ELF2: variants seen among roughly 807,000 people sequenced by gnomAD.
ELF2 encodes the protein E74 like ETS transcription factor 2.
A neutral mutation model predicts 54.8 loss-of-function variants in ELF2; 11 were observed. That is an observed-to-expected ratio of 0.20 (90% CI 0.13 to 0.33). The LOEUF is 0.33. ELF2 is among the 10% of genes least tolerant of loss of function. The pLI is 1.00. For missense variants in ELF2, 513 were observed against 703.0 expected (o/e 0.73, Z 3.06); for synonymous variants, 203 against 245.1 (o/e 0.83, Z 1.61).
At chr4:139,134,564 GTTATTTTATTTTATGTTATATTTATT>G (rs1737904342) in intron 3 of ELF2, among the ~76,000 whole-genome samples, 1 of 146,386 alleles carries the variant, frequency 6.8e-6, no homozygotes, top group African/African-American at 2.6e-5. Flanking sequence ...TTTATTTTAT[GTTATTTTATTTTATGTTATATTTATT>G]TTATTTTATT....
intron 1 of ELF2, among the ~76,000 whole-genome samples, chr4:139,170,670 ACTT>A (rs931090372): frequency 6.7e-6 from 1 of 149,648 alleles, no homozygotes; most frequent in African/African-American, 2.5e-5. Context: ...AAAAAAAAAA[ACTT>A]CTTATAACTC....
intron 3 of ELF2, among the ~76,000 whole-genome samples, chr4:139,128,032 G>A (rs763409702): frequency 1.3e-5 from 2 of 151,524 alleles, no homozygotes; most frequent in African/African-American, 4.8e-5. Context: ...AACTTTGGGA[G>A]GCCAAGGCAG....
In ELF2 at chr4:139,110,448, G is replaced by A. The variant is rs1734847451; in HGVS notation, c.238+14716C>T. 2.0e-5 allele frequency among the ~76,000 whole-genome samples: 3 copies of A among 152,140 alleles called. No homozygotes were observed. The South Asian group carries it at 6.2e-4, about 31-fold the overall frequency. On this transcript the variant is annotated intron_variant, in intron 4 of 9. Coordinates refer to ENST00000686138, the MANE Select transcript of ELF2 (RefSeq NM_001331036.3). ...AAAAAAAAACTAATCTTTGTTTCAT[G>A]AAACACCTTTCTAATCCGGAGACTG...
chr4:139,121,812 G>C (rs906874234), intron 4 of ELF2, among the ~76,000 whole-genome samples: 1 of 152,108 alleles, frequency 6.6e-6, no homozygotes, highest in Admixed American at 6.6e-5. Flanking sequence ...TATTTTTAAA[G>C]TTTCAAAATA....
intron 7 of ELF2, among the ~76,000 whole-genome samples, chr4:139,063,040 G>A (rs1418848424): frequency 1.3e-5 from 2 of 152,054 alleles, no homozygotes; most frequent in Admixed American, 6.6e-5. Context: ...GGCATATCAC[G>A]TGAGGTCAGG....
At chr4:139,115,463 G>A (rs1467578671) in intron 4 of ELF2, 16 of 927,182 alleles carry the variant, frequency 1.7e-5, no homozygotes, top group East Asian at 2.3e-4. Context: ...TTAGCTCGCC[G>A]CGGCGAGGGC....
intron 4 of ELF2, chr4:139,115,012 TAACAGTCA>T: frequency 1.9e-6 from 3 of 1,613,836 alleles, no homozygotes; most frequent in Non-Finnish European, 2.5e-6. Flanking sequence ...TGTGGGTTTG[TAACAGTCA>T]ACCAGCAGCT....
At chr4:139,093,289 A>G (rs952072459) in intron 4 of ELF2, among the ~76,000 whole-genome samples, 45 of 152,224 alleles carry the variant, frequency 3.0e-4, no homozygotes, top group Admixed American at 2.9e-3. Flanking sequence ...AAATTAAAAC[A>G]TAATACAAAA....
chr4:139,077,804 C>G (rs1730529168), intron 4 of ELF2, among the ~76,000 whole-genome samples: 1 of 152,244 alleles, frequency 6.6e-6, no homozygotes, highest in South Asian at 2.1e-4. Flanking sequence ...AATTCCTTAT[C>G]TTACTTAAAA....
chr4:139,150,238 G>A (rs1384903097), intron 1 of ELF2, among the ~76,000 whole-genome samples: 1 of 151,958 alleles, frequency 6.6e-6, no homozygotes, highest in Non-Finnish European at 1.5e-5. Context: ...ATGGTGGCAG[G>A]TGCCTGTAAT....
intron 4 of ELF2, among the ~76,000 whole-genome samples, chr4:139,090,614 A>C (rs966067780): frequency 4.6e-5 from 7 of 152,138 alleles, no homozygotes; most frequent in Non-Finnish European, 1.0e-4. Flanking sequence ...TTTATTCTTG[A>C]GACAGGGTCT....
At chr4:139,062,412 C>T (rs192701184) in intron 7 of ELF2, among the ~76,000 whole-genome samples, 331 of 152,274 alleles carry the variant, frequency 2.2e-3, no homozygotes, top group Non-Finnish European at 3.2e-3. Context: ...CTCAGGTGAT[C>T]CGCCTGCCTC....
chr4:139,072,164 C>A (rs1447850721), intron 5 of ELF2, 125 bp from the exon 6 acceptor site: 1 of 874,568 alleles, frequency 1.1e-6, no homozygotes, highest in South Asian at 1.8e-5. Context: ...GAGCTTAATA[C>A]TGAAGAAGTT....
At chr4:139,129,311 A>AG (rs1737261684) in intron 3 of ELF2, among the ~76,000 whole-genome samples, 1 of 152,160 alleles carries the variant, frequency 6.6e-6, no homozygotes, top group African/African-American at 2.4e-5. Flanking sequence ...CAACTTAGTG[A>AG]GGTTCTATCC....
rs550492014 is a variant in ELF2 at position 139,093,532 on chromosome 4, T to C, written c.239-19965A>G. Among the ~76,000 whole-genome samples, 8 of 152,350 alleles carry C rather than the reference T, an allele frequency of 5.3e-5. No homozygotes were observed. The East Asian group carries it at 1.5e-3, about 29-fold the overall frequency. ...TAAAATTATGGTTCCACTTCACTTA[T>C]GAATAGATTCCAAGACTCCTTAACT... On this transcript the variant is annotated intron_variant, in intron 4 of 9. Transcript: ENST00000686138.
intron 1 of ELF2, among the ~76,000 whole-genome samples, chr4:139,168,891 G>C (rs887084455): frequency 5.3e-5 from 8 of 152,034 alleles, no homozygotes; most frequent in African/African-American, 1.9e-4. Flanking sequence ...TTGATCAAAA[G>C]GGGGAAAAGT....
At chr4:139,143,473 G>A (rs982011504) in intron 1 of ELF2, among the ~76,000 whole-genome samples, 2 of 152,040 alleles carry the variant, frequency 1.3e-5, no homozygotes, top group African/African-American at 4.8e-5. Flanking sequence ...CCCCTTTTGA[G>A]AGCCACACAT....
chr4:139,156,167 T>C (rs1229518906), intron 1 of ELF2, among the ~76,000 whole-genome samples: 1 of 148,200 alleles, frequency 6.7e-6, no homozygotes, highest in Non-Finnish European at 1.5e-5. Flanking sequence ...ACATATATTC[T>C]TTTTTTTTTG....
chr4:139,074,340 C>T (rs1279406469), intron 4 of ELF2, among the ~76,000 whole-genome samples: 5 of 152,130 alleles, frequency 3.3e-5, no homozygotes, highest in African/African-American at 1.2e-4. Flanking sequence ...AGCCAGGGCA[C>T]CTAACAGAAC....
Sources: allele counts gnomAD v4.1 joint callset (sites outside exome capture counted in the v4.1 genomes callset), GRCh38; gene constraint gnomAD v4.1.1; transcripts MANE v1.5; gene names NCBI Gene and HGNC (gene_info 2026-07-23, HGNC 2026-07-21).